The following KCTD10 variants were observed in gnomAD, a reference collection of about 807,000 sequenced individuals.
KCTD10 encodes potassium channel tetramerization domain containing 10, also known as BTB/POZ domain-containing adapter for CUL3-mediated RhoA degradation protein 3.
Under a neutral mutation model 34.6 loss-of-function variants are expected in KCTD10, and 13 were observed. The ratio of observed to expected loss-of-function variants is 0.38; its 90% confidence interval spans 0.24 to 0.60. The LOEUF (loss-of-function observed/expected upper bound fraction) is 0.60, where lower values mean the gene tolerates loss of function less well. KCTD10 is among the 20% of genes least tolerant of loss of function. The pLI is 0.66. For synonymous variants in KCTD10, 156 were observed against 168.8 expected (o/e 0.92, Z 0.59); for missense variants, 256 against 420.3 (o/e 0.61, Z 3.42).
At position 109,451,395 on chromosome 12, in the gene KCTD10, C is replaced by G; in HGVS notation, c.*200G>C. 1.8e-6 allele frequency: 1 copy of G among 546,260 alleles called. No individual in the cohort carries two copies. The highest frequency in any genetic ancestry group is 2.9e-5 in the South Asian group (1 of 35,036). 33.8% of individuals were successfully genotyped at this position (546,260 alleles called of 1,614,324 possible). A position where few individuals can be genotyped will look rare whatever the true frequency, so the allele number is the denominator to read the frequency against. ...GTAGAGATCTTAGACACAGCTTGTTCAACGACAGGGGTCATACGCCTGGGT... is the reference window on the plus strand; with the variant it reads ...GTAGAGATCTTAGACACAGCTTGTTGAACGACAGGGGTCATACGCCTGGGT... On this transcript the variant is annotated 3_prime_UTR_variant, in exon 7 of 7. Transcript: ENST00000228495. The surrounding 1 kb of genome is among the most constrained non-coding windows in gnomAD (Gnocchi z 5.0).
At chr12:109,475,488 A>C (rs1476258552) in intron 1 of KCTD10, among the ~76,000 whole-genome samples, 1 of 152,026 alleles carries the variant, frequency 6.6e-6, no homozygotes, top group African/African-American at 2.4e-5. Context: ...CCAAAAAACA[A>C]AAACAAACTC....
rs118106263 is a variant in KCTD10, at chr12:109,450,927, A to C, written c.*668T>G. The C allele has an allele frequency of 6.6e-6, 1 of 152,642 alleles. No homozygotes were observed. The highest frequency in any genetic ancestry group is 2.4e-5 in the African/African-American group (1 of 41,466). The allele number at this position is 152,642 out of a possible 1,614,324, so 9.5% of individuals were successfully genotyped here. On this transcript the variant is annotated 3_prime_UTR_variant, in exon 7 of 7. Transcript: ENST00000228495. ...CAAGGTGGCAAAAGGCTTGATCCCT[A>C]AACAAAGCCTTGCACCCAAAGTTGC...
Position 109,451,726 on chromosome 12 carries a change from G to C in KCTD10, c.811C>G (p.Leu271Val). 2 of 1,614,160 alleles carry C rather than the reference G, an allele frequency of 1.2e-6. No individual in the cohort carries two copies. The highest frequency in any genetic ancestry group is 1.7e-6 in the Non-Finnish European group (2 of 1,180,000). ...GCCGCCCCGCCTGTGGCCTCCAGGA[G>C]CGCATTGTCAGGTCCCCGGCCATCC... ...AQDGRGPDNA[L>V]LEATGGAAGR... The change falls in exon 7 of 7, where the codon CTC (leucine) becomes GTC (valine). Residue 271 changes from leucine to valine, a missense_variant. Physicochemically the swap from Leu to Val is conservative, Grantham distance 32. This residue lies in a region of KCTD10 where 60 missense variants were observed against 89.0 expected (regional missense o/e 0.67). Transcript: ENST00000228495. The surrounding 1 kb of genome is among the most constrained non-coding windows in gnomAD (Gnocchi z 5.0).
chr12:109,467,553 T>A (rs530883823), intron 2 of KCTD10, among the ~76,000 whole-genome samples: 1 of 151,982 alleles, frequency 6.6e-6, no homozygotes, highest in Admixed American at 6.6e-5. Flanking sequence ...ACCCAGGAGA[T>A]GGAGGCTGCC....
intron 2 of KCTD10, among the ~76,000 whole-genome samples, chr12:109,468,069 G>C (rs1167151984): frequency 3.9e-5 from 6 of 152,150 alleles, no homozygotes; most frequent in Non-Finnish European, 5.9e-5. Context: ...CTATTGTCTT[G>C]ATTTCCACAG....
At chr12:109,467,335 A>G (rs941790498) in intron 2 of KCTD10, among the ~76,000 whole-genome samples, 1 of 152,238 alleles carries the variant, frequency 6.6e-6, no homozygotes, top group African/African-American at 2.4e-5. Context: ...AACAATACCC[A>G]TCGGCTGTGC....
At chr12:109,472,332 C>T (rs893195845) in intron 1 of KCTD10, among the ~76,000 whole-genome samples, 3 of 151,948 alleles carry the variant, frequency 2.0e-5, no homozygotes, top group South Asian at 2.1e-4. Flanking sequence ...ACAAAATACA[C>T]ACACATTAGC....
chr12:109,456,345 A>G (rs2036988101), intron 5 of KCTD10, 32 bp from the exon 6 acceptor site: 1 of 1,605,042 alleles, frequency 6.2e-7, no homozygotes, highest in Admixed American at 1.7e-5. Flanking sequence ...GGTGACCACA[A>G]GCTGGTAAAA....
Position 109,449,925 on chromosome 12 carries a change from G to T in KCTD10, c.*1670C>A. On this transcript the variant is annotated 3_prime_UTR_variant, in exon 7 of 7. Coordinates refer to ENST00000228495, the MANE Select transcript of KCTD10 (RefSeq NM_031954.5). ...GGCCTAATATAAAAGTTTCTCACAC[G>T]ACAGTTTAAAAAGCATCTGCCCAAT... 5.0e-6 allele frequency: 1 copy of T among 198,548 alleles called. No individual in the cohort carries two copies. The highest frequency in any genetic ancestry group is 1.0e-5 in the Non-Finnish European group (1 of 98,918). 12.3% of individuals were successfully genotyped at this position (198,548 alleles called of 1,614,324 possible).
At position 109,450,678 on chromosome 12, in the gene KCTD10, G is replaced by C; in HGVS notation, c.*917C>G. On this transcript the variant is annotated 3_prime_UTR_variant, in exon 7 of 7. Coordinates refer to ENST00000228495, the MANE Select transcript of KCTD10 (RefSeq NM_031954.5). ...GTTAGCCCAGCTTCATGGGGAAGGA[G>C]GCTGAAGAGGAGCGGGATCCCAGGG... 1 of 269,172 alleles carries C rather than the reference G, an allele frequency of 3.7e-6. No individual in the cohort carries two copies. The highest frequency in any genetic ancestry group is 6.9e-6 in the Non-Finnish European group (1 of 143,908). The allele number at this position is 269,172 out of a possible 1,614,324, so 16.7% of individuals were successfully genotyped here.
chr12:109,467,903 G>A (rs1873672055), intron 2 of KCTD10, among the ~76,000 whole-genome samples: 2 of 152,146 alleles, frequency 1.3e-5, no homozygotes, highest in Non-Finnish European at 2.9e-5. Flanking sequence ...TATGGCATCA[G>A]GCCACCAAGG....
intron 2 of KCTD10, among the ~76,000 whole-genome samples, chr12:109,464,061 C>T (rs78363306): frequency 0.037 from 5,641 of 152,244 alleles, 385 homozygotes; most frequent in African/African-American, 0.13. Flanking sequence ...CGTGAGCATA[C>T]CATGTGCTTC....
At chr12:109,452,557 A>G (rs1872825386) in intron 6 of KCTD10, among the ~76,000 whole-genome samples, 1 of 152,230 alleles carries the variant, frequency 6.6e-6, no homozygotes, top group African/African-American at 2.4e-5. Context: ...AAAATGGAGC[A>G]GGCACACTCT....
chr12:109,468,642 C>T, intron 2 of KCTD10, among the ~76,000 whole-genome samples: 1 of 147,940 alleles, frequency 6.8e-6, no homozygotes, highest in East Asian at 2.0e-4. Context: ...CCCCTCTCAA[C>T]AATTCTTTGC....
intron 2 of KCTD10, among the ~76,000 whole-genome samples, chr12:109,468,359 T>C (rs1399884456): frequency 6.6e-6 from 1 of 152,034 alleles, no homozygotes; most frequent in Non-Finnish European, 1.5e-5. Context: ...CCCACCCGCT[T>C]ATGTGAAAAC....
At chr12:109,472,957 A>G (rs1398981074) in intron 1 of KCTD10, among the ~76,000 whole-genome samples, 1 of 152,170 alleles carries the variant, frequency 6.6e-6, no homozygotes, top group African/African-American at 2.4e-5. Flanking sequence ...CACTCCAATC[A>G]AGCTGTCTTG....
chr12:109,472,050 T>C (rs183235402), intron 1 of KCTD10, among the ~76,000 whole-genome samples: 24 of 152,320 alleles, frequency 1.6e-4, no homozygotes, highest in Non-Finnish European at 2.6e-4. Flanking sequence ...AGGACATTAC[T>C]GTACACTACT....
intron 3 of KCTD10, among the ~76,000 whole-genome samples, chr12:109,459,790 G>GA (rs1453917620): frequency 1.3e-5 from 2 of 152,220 alleles, no homozygotes; most frequent in Non-Finnish European, 2.9e-5. Context: ...AATGTGAACA[G>GA]AAAAAACTGC....
chr12:109,465,022 C>G, intron 2 of KCTD10: 1 of 308,076 alleles, frequency 3.2e-6, no homozygotes, highest in Admixed American at 4.4e-5. Context: ...GAGTCCAGAG[C>G]CCCCTCATTT....
Sources: allele counts gnomAD v4.1 joint callset (sites outside exome capture counted in the v4.1 genomes callset), GRCh38; gene constraint gnomAD v4.1.1; regional missense constraint gnomAD v4.1.1; non-coding constraint Gnocchi (gnomAD v3.1); transcripts MANE v1.5; gene names NCBI Gene and HGNC (gene_info 2026-07-23, HGNC 2026-07-21).